Variants in GPR135 observed in about 807,000 individuals in gnomAD.
GPR135 encodes G-protein coupled receptor 135.
A neutral mutation model predicts 15.0 loss-of-function variants in GPR135; 17 were observed. The observed-to-expected ratio is 1.13, with a 90% CI of 0.78 to 1.70. The LOEUF (loss-of-function observed/expected upper bound fraction) is 1.70. GPR135 is among the 40% of genes most tolerant of loss of function. The pLI is 0.00. For synonymous variants in GPR135, 368 were observed against 349.4 expected, an observed-to-expected ratio of 1.05 and a Z score of -0.59; for missense variants, 776 against 727.0, an observed-to-expected ratio of 1.07 and a Z score of -0.78.
downstream of GPR135, among the ~76,000 whole-genome samples, chr14:59,456,741 T>C (rs1888668683): frequency 6.6e-6 from 1 of 152,204 alleles, no homozygotes; most frequent in Non-Finnish European, 1.5e-5. Context: ...CAAAAGAAGG[T>C]GGCTACATTT....
In GPR135 at chr14:59,463,145, A is replaced by G. The variant is rs1888930017; in HGVS notation, c.*597T>C. 6.6e-6 allele frequency: 1 copy of G among 152,242 alleles called. No individual in the cohort carries two copies. Among genetic ancestry groups the G allele is most frequent in the African/African-American group, 2.4e-5 (1 of 41,460 alleles). The allele number at this position is 152,242 out of a possible 1,614,324, so 9.4% of individuals were successfully genotyped here. On this transcript the variant is annotated 3_prime_UTR_variant, in exon 1 of 1. Coordinates refer to ENST00000395116, the MANE Select transcript of GPR135 (RefSeq NM_022571.6). ...GGTTGAATTTTATCTAATAATAACC[A>G]GCTTTTCAAAATCCTAAAATGATTT... is the stretch of plus-strand genomic sequence containing the variant.
At position 59,464,778 on chromosome 14, in the gene GPR135, A is replaced by AGATCCGATAGG; in HGVS notation, c.438_448dup (p.Leu150ProfsTer90). On this transcript the variant is annotated frameshift_variant, in exon 1 of 1. Coordinates refer to ENST00000395116, the MANE Select transcript of GPR135 (RefSeq NM_022571.6). LOFTEE classifies it high-confidence loss of function. ...GGGCAGGCAGAGCAGCGCCGTGAGC[A>AGATCCGATAGG]GATCCGATAGGGACAGCGACAGGAT... 1 of 1,573,090 alleles carries AGATCCGATAGG rather than the reference A, an allele frequency of 6.4e-7. No homozygotes were observed. The highest frequency in any genetic ancestry group is 8.6e-7 in the Non-Finnish European group (1 of 1,158,952).
Position 59,464,507 on chromosome 14 carries a change from G to A in GPR135, c.720C>T (p.Phe240=), listed in dbSNP as rs1401045068. The A allele has an allele frequency of 3.2e-6, 5 of 1,543,362 alleles. No homozygotes were observed. In the African/African-American group the frequency reaches 6.8e-5, roughly 21 times the overall value. ...CCCCGAGCAGCTCCCAGGGCAAGGA[G>A]AAGCCCAGGGCCGTCAGCCAGGCGC... ...LAGAWLTALG[F]SLPWELLGAP... The change falls in exon 1 of 1, where the codon TTC becomes TTT. Residue 240 remains phenylalanine (F), a synonymous_variant. Transcript: ENST00000395116.
chr14:59,455,306 G>A (rs1888616798), intron 6 of GPR135, among the ~76,000 whole-genome samples: 1 of 152,160 alleles, frequency 6.6e-6, no homozygotes, highest in Non-Finnish European at 1.5e-5. Context: ...CAGGAAGGCA[G>A]CAGCAAGACC....
Position 59,465,070 on chromosome 14 carries a change from C to G in GPR135, c.157G>C (p.Gly53Arg). The G allele has an allele frequency of 7.3e-7, 1 of 1,373,552 alleles. No homozygotes were observed. The allele number at this position is 1,373,552 out of a possible 1,614,324, so 85.1% of individuals were successfully genotyped here. Residue 53 changes from glycine to arginine, a missense_variant, in exon 1 of 1, where the codon GGG becomes CGG. Gly to Arg is a moderately radical substitution (Grantham distance 125). Transcript: ENST00000395116. ...SFSTVATAAL[G>R]NLSDASGGGT... ...CCTCCGCTTGCGTCGCTCAGGTTCC[C>G]CAGCGCCGCGGTCGCCACGGTGCTG...
downstream of GPR135, among the ~76,000 whole-genome samples, chr14:59,460,010 T>G (rs1451680893): frequency 1.3e-5 from 2 of 152,238 alleles, no homozygotes; most frequent in African/African-American, 4.8e-5. Flanking sequence ...GTCTTCTATT[T>G]TCTTGGAGAA....
Position 59,463,628 on chromosome 14 carries a change from G to T in GPR135, c.*114C>A. 1 of 1,016,274 alleles carries T rather than the reference G, an allele frequency of 9.8e-7. No individual in the cohort carries two copies. The highest frequency in any genetic ancestry group is 1.4e-6 in the Non-Finnish European group (1 of 708,760). The allele number at this position is 1,016,274 out of a possible 1,614,324, so 63.0% of individuals were successfully genotyped here. On this transcript the variant is annotated 3_prime_UTR_variant, in exon 1 of 1. Coordinates refer to ENST00000395116, the MANE Select transcript of GPR135 (RefSeq NM_022571.6). ...TTGGGGAAAGTGGTAAGCCTCCCCC[G>T]TCTCTAGCTTTAAATGTTTGGCTTT...
chr14:59,452,956 C>T (rs991369103), intron 6 of GPR135, among the ~76,000 whole-genome samples: 3 of 152,108 alleles, frequency 2.0e-5, no homozygotes, highest in Non-Finnish European at 2.9e-5. Flanking sequence ...ATGCATATTA[C>T]TAAGCGAAAA....
Position 59,464,769 on chromosome 14 carries a change from G to A in GPR135, c.458C>T (p.Ala153Val), listed in dbSNP as rs773396462. The A allele has an allele frequency of 4.5e-6, 7 of 1,569,884 alleles. No individual in the cohort carries two copies. The South Asian group carries it at 8.1e-5, about 18-fold the overall frequency. ...LSLSLSDLLT[A>V]LLCLPAAFLD... is the part of the protein sequence containing the mutation. ...GAAGGCGGCGGGCAGGCAGAGCAGC[G>A]CCGTGAGCAGATCCGATAGGGACAG... The change falls in exon 1 of 1, where the codon GCG (alanine) becomes GTG (valine). Residue 153 changes from alanine to valine, a missense_variant. Ala to Val is a moderately conservative substitution (Grantham distance 64). Transcript: ENST00000395116.
rs1888941938 is a variant in GPR135 at position 59,463,435 on chromosome 14, C to T, written c.*307G>A. ...TGCATTCAATGTTTTGTTTGTTTCA[C>T]AGTGTGGTCCTATAATATGAGCTTT... On this transcript the variant is annotated 3_prime_UTR_variant, in exon 1 of 1. Coordinates refer to ENST00000395116, the MANE Select transcript of GPR135 (RefSeq NM_022571.6). 6.0e-6 allele frequency: 2 copies of T among 334,144 alleles called. No homozygotes were observed. The highest frequency in any genetic ancestry group is 1.1e-5 in the Non-Finnish European group (2 of 182,864). 20.7% of individuals were successfully genotyped at this position (334,144 alleles called of 1,614,324 possible).
chr14:59,454,118 G>C (rs1888576320), intron 6 of GPR135, among the ~76,000 whole-genome samples: 1 of 152,222 alleles, frequency 6.6e-6, no homozygotes, highest in African/African-American at 2.4e-5. Flanking sequence ...TTGAGTCAGT[G>C]GGCTAGGAAA....
At position 59,465,055 on chromosome 14, in the gene GPR135, C is replaced by T; in HGVS notation, c.172G>A (p.Ala58Thr). Residue 58 changes from alanine (A) to threonine (T), a missense_variant, in exon 1 of 1, where the codon GCA becomes ACA. Physicochemically the swap from Ala to Thr is moderately conservative, Grantham distance 58. Coordinates refer to ENST00000395116, the MANE Select transcript of GPR135 (RefSeq NM_022571.6). ...GCGGCAGCTGTGCCGCCTCCGCTTG[C>T]GTCGCTCAGGTTCCCCAGCGCCGCG... ...ATAALGNLSD[A>T]SGGGTAAAPG... The T allele has an allele frequency of 7.4e-7, 1 of 1,357,014 alleles. No homozygotes were observed. The highest frequency in any genetic ancestry group is 9.5e-7 in the Non-Finnish European group (1 of 1,057,122). The allele number at this position is 1,357,014 out of a possible 1,614,324, so 84.1% of individuals were successfully genotyped here.
At chr14:59,460,155 G>T (rs910181024), downstream of GPR135, among the ~76,000 whole-genome samples, 2 of 152,142 alleles carry the variant, frequency 1.3e-5, no homozygotes, top group African/African-American at 2.4e-5. Flanking sequence ...AGGGTGGAAG[G>T]GCCAGGCAAG....
chr14:59,463,375 A>T lies in GPR135; in HGVS notation c.*367T>A, dbSNP rs368589588. The T allele has an allele frequency of 4.0e-5, 8 of 200,030 alleles. No homozygotes were observed. The highest frequency in any genetic ancestry group is 1.6e-4 in the African/African-American group (7 of 42,756). 12.4% of individuals were successfully genotyped at this position (200,030 alleles called of 1,614,324 possible). ...CAAGCAGCTCTGAAGGTCTCCATTCATTCCTGAAATTCTGTGTAGTTGAAC... is the reference window on the plus strand; with the variant it reads ...CAAGCAGCTCTGAAGGTCTCCATTCTTTCCTGAAATTCTGTGTAGTTGAAC... On this transcript the variant is annotated 3_prime_UTR_variant, in exon 1 of 1. Coordinates refer to ENST00000395116, the MANE Select transcript of GPR135 (RefSeq NM_022571.6).
At position 59,465,139 on chromosome 14, in the gene GPR135, G is replaced by A. The variant is rs1427686847; in HGVS notation, c.88C>T (p.Pro30Ser). The change falls in exon 1 of 1, where the codon CCT (proline) becomes TCT (serine). Residue 30 changes from proline (P) to serine (S), a missense_variant. Physicochemically the swap from Pro to Ser is moderately conservative, Grantham distance 74. Transcript: ENST00000395116. The stretch of plus-strand genomic sequence containing the variant: ...GTGGCCGCGGAGGAAGTCCCGCCAG[G>A]TGGGCCGGCCGCGGAGGGGGCGCCG... ...HSGAPSAAGP[P>S]GGTSSAATAA... The A allele has an allele frequency of 7.4e-7, 1 of 1,359,060 alleles. No homozygotes were observed. Among genetic ancestry groups the A allele is most frequent in the Non-Finnish European group, 9.5e-7 (1 of 1,056,252 alleles). 84.2% of individuals were successfully genotyped at this position (1,359,060 alleles called of 1,614,324 possible).
At chr14:59,456,239 A>G (rs1000259062), downstream of GPR135, among the ~76,000 whole-genome samples, 1 of 152,162 alleles carries the variant, frequency 6.6e-6, no homozygotes, top group Non-Finnish European at 1.5e-5. Flanking sequence ...ACAACAAACA[A>G]AAGTAGTGAG....
At chr14:59,456,455 G>A (rs1000234658), downstream of GPR135, 6 of 152,158 alleles carry the variant, frequency 3.9e-5, no homozygotes, top group South Asian at 2.1e-4. Flanking sequence ...TGTAACCCAC[G>A]ATGTAAATAG....
chr14:59,460,733 A>C (rs986285678), downstream of GPR135: 2 of 152,274 alleles, frequency 1.3e-5, no homozygotes, highest in African/African-American at 4.8e-5. Context: ...AACTGGGAGC[A>C]GAATAAAACA....
downstream of GPR135, among the ~76,000 whole-genome samples, chr14:59,459,770 G>A (rs1048551123): frequency 2.0e-5 from 3 of 152,198 alleles, no homozygotes; most frequent in Admixed American, 2.0e-4. Context: ...GGAAGAATGG[G>A]CATTTTTCCT....
Sources: gnomAD v4.1 joint callset for allele counts (sites outside exome capture counted in the v4.1 genomes callset) on GRCh38, gnomAD v4.1.1 for gene constraint, MANE v1.5 for transcripts, NCBI Gene and HGNC (gene_info 2026-07-23, HGNC 2026-07-21) for gene names.